Variants in GRB10 observed in about 807,000 individuals in gnomAD.
GRB10 encodes the protein growth factor receptor bound protein 10.
A neutral mutation model predicts 80.9 loss-of-function variants in GRB10; 20 were observed. That is an observed-to-expected ratio of 0.25 (90% confidence interval 0.17 to 0.36). The LOEUF (loss-of-function observed/expected upper bound fraction) is 0.36, where lower values mean the gene tolerates loss of function less well. Among genes scored for constraint, GRB10 ranks in the 10% least tolerant of loss-of-function variants. GRB10 has a pLI of 1.00. For synonymous variants in GRB10, 291 were observed against 291.5 expected (o/e 1.00, Z 0.02); for missense variants, 548 against 747.7 (o/e 0.73, Z 3.12).
intron 7 of GRB10, among the ~76,000 whole-genome samples, chr7:50,636,965 A>C (rs530925835): frequency 1.3e-5 from 2 of 152,122 alleles, no homozygotes; most frequent in Non-Finnish European, 2.9e-5. Context: ...TGATGGCATG[A>C]GTTGTGTTTT....
At position 50,590,758 on chromosome 7, in the gene GRB10, G is replaced by A. The variant is rs1051634665; in HGVS notation, c.*2194C>T. Reference sequence around the variant, plus strand: ...GAGCTGGGGCCTTAGGAAGTCTGCCGCCACGTGGAGGCGGTTTACATTCTC... The same window carrying A: ...GAGCTGGGGCCTTAGGAAGTCTGCCACCACGTGGAGGCGGTTTACATTCTC... On this transcript the variant is annotated 3_prime_UTR_variant, in exon 19 of 19. Coordinates refer to ENST00000401949, the MANE Select transcript of GRB10 (RefSeq NM_001350814.2). 1.3e-5 allele frequency: 2 copies of A among 152,562 alleles called. No individual in the cohort carries two copies. The highest frequency in any genetic ancestry group is 2.9e-5 in the Non-Finnish European group (2 of 68,052). The allele number at this position is 152,562 out of a possible 1,614,324, so 9.5% of individuals were successfully genotyped here.
intron 7 of GRB10, among the ~76,000 whole-genome samples, chr7:50,656,604 A>C (rs1021222068): frequency 6.6e-6 from 1 of 152,218 alleles, no homozygotes; most frequent in African/African-American, 2.4e-5. Context: ...TTCTGAAGAC[A>C]CAAATCCTGG....
In GRB10 at chr7:50,665,558, C is replaced by A. The variant is rs550564794; in HGVS notation, c.504+4164G>T. Reference sequence around the variant, plus strand: ...CGGCCCAGGTTTGGAACCCATAACACGTTGGACAAACTGCTCTCAGGGCTC... The same window carrying A: ...CGGCCCAGGTTTGGAACCCATAACAAGTTGGACAAACTGCTCTCAGGGCTC... On this transcript the variant is annotated intron_variant, in intron 7 of 18. Coordinates refer to ENST00000401949, the MANE Select transcript of GRB10 (RefSeq NM_001350814.2). Among the ~76,000 whole-genome samples, 288 of 152,324 alleles carry A rather than the reference C, an allele frequency of 1.9e-3. 2 individuals are homozygous for A. Among genetic ancestry groups the A allele is most frequent in the Non-Finnish European group, 2.6e-3 (175 of 68,026 alleles).
Position 50,614,800 on chromosome 7 carries a change from G to A in GRB10, c.1065C>T (p.Asn355=), listed in dbSNP as rs375915077. ...FSLIAGRKQY[N]APTDHGLCIK... ...TGCAGAGCCCGTGGTCTGTAGGGGCGTTGTACTGCTTCCTGCCAGCGATCA... is the reference window on the plus strand; with the variant it reads ...TGCAGAGCCCGTGGTCTGTAGGGGCATTGTACTGCTTCCTGCCAGCGATCA... Residue 355 remains asparagine, a synonymous_variant, in exon 12 of 19, where the codon AAC becomes AAT. Coordinates refer to ENST00000401949, the MANE Select transcript of GRB10 (RefSeq NM_001350814.2). 40 of 1,613,794 alleles carry A rather than the reference G, an allele frequency of 2.5e-5. No homozygotes were observed. Among genetic ancestry groups the A allele is most frequent in the African/African-American group, 2.0e-4 (15 of 74,912 alleles).
intron 2 of GRB10, among the ~76,000 whole-genome samples, chr7:50,772,931 G>A (rs1480120607): frequency 6.6e-6 from 1 of 152,160 alleles, no homozygotes; most frequent in Non-Finnish European, 1.5e-5. Context: ...AAACCACAAT[G>A]AGCAATCATC....
At chr7:50,599,983 C>A (rs887117016) in intron 17 of GRB10, among the ~76,000 whole-genome samples, 1 of 152,150 alleles carries the variant, frequency 6.6e-6, no homozygotes, top group Admixed American at 6.5e-5. Flanking sequence ...GGATGATGGG[C>A]GTCCTCACTG....
chr7:50,695,871 TA>T (rs1486575859), intron 5 of GRB10, among the ~76,000 whole-genome samples: 2 of 152,206 alleles, frequency 1.3e-5, no homozygotes, highest in African/African-American at 2.4e-5. Flanking sequence ...ACAAGGTGAA[TA>T]AAAATCACCC....
chr7:50,668,282 T>C (rs2060012215), intron 7 of GRB10, among the ~76,000 whole-genome samples: 1 of 152,140 alleles, frequency 6.6e-6, no homozygotes. Context: ...GAGAAAGGGA[T>C]GGCTGGCCTG....
At chr7:50,627,658 G>A (rs550169608) in intron 7 of GRB10, among the ~76,000 whole-genome samples, 156 of 152,360 alleles carry the variant, frequency 1.0e-3, no homozygotes, top group Middle Eastern at 6.8e-3. Flanking sequence ...CAGGCCAAGG[G>A]ATGGAGAAGT....
chr7:50,774,247 AGGGTCT>A (rs2077346457), intron 2 of GRB10, among the ~76,000 whole-genome samples: 1 of 152,214 alleles, frequency 6.6e-6, no homozygotes, highest in Non-Finnish European at 1.5e-5. Flanking sequence ...TAAAGGGTGC[AGGGTCT>A]CTTTTTGTTC....
chr7:50,608,343 A>G (rs2048902048), intron 13 of GRB10, among the ~76,000 whole-genome samples: 1 of 152,228 alleles, frequency 6.6e-6, no homozygotes, highest in South Asian at 2.1e-4. Flanking sequence ...ATAACCGCTA[A>G]CCTTGCATCC....
intron 9 of GRB10, 72 bp downstream of exon 9, chr7:50,619,098 A>G: frequency 1.2e-6 from 1 of 867,958 alleles, no homozygotes; most frequent in African/African-American, 1.6e-5. Context: ...CTAATCTGAT[A>G]CTATGAAACC....
At chr7:50,643,139 T>C (rs2056583172) in intron 7 of GRB10, among the ~76,000 whole-genome samples, 1 of 152,118 alleles carries the variant, frequency 6.6e-6, no homozygotes, top group Non-Finnish European at 1.5e-5. Flanking sequence ...TTGAAACCTG[T>C]GTATATGAAA....
intron 2 of GRB10, among the ~76,000 whole-genome samples, chr7:50,760,633 AAGTAG>A (rs1291985368): frequency 3.9e-5 from 6 of 152,254 alleles, no homozygotes; most frequent in Non-Finnish European, 7.3e-5. Flanking sequence ...CCTAAAGCAA[AAGTAG>A]TTAAAATAGT....
chr7:50,593,057 C>G lies in GRB10; in HGVS notation c.1680G>C (p.Gly560=), dbSNP rs2045990760. The G allele has an allele frequency of 1.2e-6, 2 of 1,614,086 alleles. No homozygotes were observed. The highest frequency in any genetic ancestry group is 2.2e-5 in the South Asian group (2 of 91,092). Residue 560 remains glycine, a synonymous_variant, in exon 19 of 19, where the codon GGG becomes GGC. Coordinates refer to ENST00000401949, the MANE Select transcript of GRB10 (RefSeq NM_001350814.2). The part of the protein sequence containing the change: ...DGQTFFSLDD[G]NTKFSDLIQL... Reference sequence around the variant, plus strand: ...GGATCAGGTCAGAGAATTTGGTGTTCCCGTCATCTAGGCTGAAGAACGTCT... The same window carrying G: ...GGATCAGGTCAGAGAATTTGGTGTTGCCGTCATCTAGGCTGAAGAACGTCT...
chr7:50,710,959 T>A (rs2065806222), intron 4 of GRB10: 2 of 1,499,264 alleles, frequency 1.3e-6, no homozygotes, highest in Non-Finnish European at 1.9e-6. Context: ...GGCTGTGTCC[T>A]CAGCCTGCCC....
At chr7:50,717,845 G>C (rs78983910) in intron 4 of GRB10, among the ~76,000 whole-genome samples, 1 of 152,206 alleles carries the variant, frequency 6.6e-6, no homozygotes, top group African/African-American at 2.4e-5. Flanking sequence ...TACACAGATC[G>C]GTTCACCCTG....
At chr7:50,644,722 C>T (rs551325545) in intron 7 of GRB10, among the ~76,000 whole-genome samples, 2 of 152,142 alleles carry the variant, frequency 1.3e-5, no homozygotes, top group African/African-American at 2.4e-5. Flanking sequence ...CTAGCAAGAG[C>T]GGGACATCAG....
At chr7:50,610,704 G>A (rs889886934) in intron 13 of GRB10, among the ~76,000 whole-genome samples, 1 of 152,206 alleles carries the variant, frequency 6.6e-6, no homozygotes, top group Non-Finnish European at 1.5e-5. Context: ...TCACTGAGCT[G>A]TCACAAACAG....
Sources: gnomAD v4.1 joint callset for allele counts (sites outside exome capture counted in the v4.1 genomes callset) on GRCh38, gnomAD v4.1.1 for gene constraint, MANE v1.5 for transcripts, NCBI Gene and HGNC (gene_info 2026-07-23, HGNC 2026-07-21) for gene names.